SLC44A5: variants seen among roughly 807,000 people sequenced by gnomAD.
The protein encoded by SLC44A5 is solute carrier family 44 member 5.
Under a neutral mutation model 101.8 loss-of-function variants are expected in SLC44A5, and 57 were observed. The observed-to-expected ratio is 0.56, with a 90% CI of 0.45 to 0.70. The LOEUF is 0.70. SLC44A5 is among the 30% of genes least tolerant of loss of function. The pLI, the probability that SLC44A5 is intolerant of heterozygous loss-of-function variation, is 0.00. For synonymous variants in SLC44A5, 281 were observed against 290.9 expected (o/e 0.97, Z 0.35); for missense variants, 737 against 853.1 (o/e 0.86, Z 1.70).
the SLC44A5 span, among the ~76,000 whole-genome samples, chr1:75,661,698 C>T: frequency 6.6e-6 from 1 of 151,890 alleles, no homozygotes; most frequent in African/African-American, 2.4e-5. Flanking sequence ...TTTGAATAGC[C>T]ATTTCTCAAA....
chr1:75,269,069 G>A (rs1651241162), intron 6 of SLC44A5, among the ~76,000 whole-genome samples: 1 of 151,914 alleles, frequency 6.6e-6, no homozygotes, highest in South Asian at 2.1e-4. Flanking sequence ...AGAAAATGAG[G>A]CGATTTTTTC....
chr1:75,646,355 G>C, the SLC44A5 span, among the ~76,000 whole-genome samples: 1 of 151,886 alleles, frequency 6.6e-6, no homozygotes, highest in East Asian at 1.9e-4. Context: ...CACATCCTTT[G>C]TAAGTTGTAT....
intron 1 of SLC44A5, among the ~76,000 whole-genome samples, chr1:75,583,645 A>G (rs951311899): frequency 6.6e-6 from 1 of 152,234 alleles, no homozygotes; most frequent in Non-Finnish European, 1.5e-5. Context: ...AATTATGGAG[A>G]GTCACATGTC....
At chr1:75,345,711 A>G (rs1658202736) in intron 3 of SLC44A5, among the ~76,000 whole-genome samples, 1 of 152,192 alleles carries the variant, frequency 6.6e-6, no homozygotes, top group Non-Finnish European at 1.5e-5. Flanking sequence ...ACTTAGCTGT[A>G]ACAAAGAGCT....
At chr1:75,457,000 T>C (rs1666220784) in intron 2 of SLC44A5, among the ~76,000 whole-genome samples, 1 of 152,132 alleles carries the variant, frequency 6.6e-6, no homozygotes, top group East Asian at 1.9e-4. Flanking sequence ...GAAAATAATA[T>C]CGATTCCCCA....
In SLC44A5 at chr1:75,324,856, G is replaced by A. The variant is rs1425566534; in HGVS notation, c.101+14726C>T. ...TGTTTTTACTGAGAAGATAAATATC[G>A]CAAGTCAAATACCAAAGAATAACAA... On this transcript the variant is annotated intron_variant, in intron 4 of 23. Coordinates refer to ENST00000370859, the MANE Select transcript of SLC44A5 (RefSeq NM_001130058.2). Among the ~76,000 whole-genome samples, 3 of 152,064 alleles carry A rather than the reference G, an allele frequency of 2.0e-5. No individual in the cohort carries two copies. In the East Asian group the frequency reaches 5.8e-4, roughly 29 times the overall value.
intron 2 of SLC44A5, among the ~76,000 whole-genome samples, chr1:75,516,760 G>A (rs1221725115): frequency 6.6e-6 from 1 of 152,062 alleles, no homozygotes; most frequent in African/African-American, 2.4e-5. Flanking sequence ...TGTCAAATAA[G>A]CTCTTTGACC....
At chr1:75,511,439 A>G (rs1252881777) in intron 2 of SLC44A5, among the ~76,000 whole-genome samples, 1 of 152,224 alleles carries the variant, frequency 6.6e-6, no homozygotes, top group Admixed American at 6.5e-5. Flanking sequence ...CAGCTACGAT[A>G]AAAGCACATG....
At chr1:75,607,754 T>A (rs887436631) in intron 1 of SLC44A5, among the ~76,000 whole-genome samples, 7 of 151,974 alleles carry the variant, frequency 4.6e-5, no homozygotes, top group Non-Finnish European at 8.8e-5. Context: ...TCTTGCATGC[T>A]GCCATGTAAG....
chr1:75,279,546 T>A (rs533434470), intron 5 of SLC44A5, among the ~76,000 whole-genome samples: 1 of 152,260 alleles, frequency 6.6e-6, no homozygotes, highest in East Asian at 1.9e-4. Context: ...AATATTTGTT[T>A]TTTAAGTTGC....
chr1:75,527,101 C>T (rs917426359), intron 2 of SLC44A5, among the ~76,000 whole-genome samples: 4 of 148,184 alleles, frequency 2.7e-5, no homozygotes, highest in African/African-American at 1.0e-4. Flanking sequence ...CACCACTGCA[C>T]TCCAGCCTCG....
chr1:75,619,962 C>T, the SLC44A5 span, among the ~76,000 whole-genome samples: 5 of 152,208 alleles, frequency 3.3e-5, no homozygotes, highest in South Asian at 6.2e-4. Flanking sequence ...AGGTATTTAT[C>T]GTAATCCTAT....
rs761447380 is a variant in SLC44A5, at chr1:75,222,352, G to A, written c.1085+9C>T. On this transcript the variant is annotated intron_variant, in intron 14 of 23. Coordinates refer to ENST00000370859, the MANE Select transcript of SLC44A5 (RefSeq NM_001130058.2). ...CACTTTAGCTGAGTTTCTACATTAA[G>A]GGCCTTACTTGCTTCCTTCCTTCAG... is the stretch of plus-strand genomic sequence containing the variant. The A allele has an allele frequency of 1.2e-6, 2 of 1,600,460 alleles. No homozygotes were observed. Among genetic ancestry groups the A allele is most frequent in the South Asian group, 1.1e-5 (1 of 90,826 alleles).
chr1:75,565,405 C>A (rs1488728978), intron 1 of SLC44A5, among the ~76,000 whole-genome samples: 1 of 152,192 alleles, frequency 6.6e-6, no homozygotes, highest in Non-Finnish European at 1.5e-5. Flanking sequence ...ACAAAACTGC[C>A]ACTAATGCAC....
the SLC44A5 span, among the ~76,000 whole-genome samples, chr1:75,622,849 T>C: frequency 3.9e-5 from 6 of 152,164 alleles, no homozygotes; most frequent in Non-Finnish European, 7.4e-5. Context: ...TTATAATTTG[T>C]TTATAACTTT....
chr1:75,582,574 T>C lies in SLC44A5; in HGVS notation c.-70+28466A>G, dbSNP rs145734737. ...AGGGTTCAAAGTAGAGATCTCCATCTGCCAATATGAGGACAGAAGGACTGG... is the reference window on the plus strand; with the variant it reads ...AGGGTTCAAAGTAGAGATCTCCATCCGCCAATATGAGGACAGAAGGACTGG... On this transcript the variant is annotated intron_variant, in intron 1 of 23. Transcript: ENST00000370859. The C allele has an allele frequency of 1.1e-3, 450 of 411,866 alleles. 1 individual carries two copies. The highest frequency in any genetic ancestry group is 0.01 in the Middle Eastern group (15 of 1,450). 25.5% of individuals were successfully genotyped at this position (411,866 alleles called of 1,614,324 possible). A position where few individuals can be genotyped will look rare whatever the true frequency, so the allele number is the denominator to read the frequency against.
intron 1 of SLC44A5, among the ~76,000 whole-genome samples, chr1:75,542,653 A>T (rs1169080995): frequency 6.6e-6 from 1 of 152,058 alleles, no homozygotes; most frequent in East Asian, 1.9e-4. Context: ...TAAACTGTTT[A>T]TTCAGGCCCT....
chr1:75,477,417 C>T (rs549474005), intron 2 of SLC44A5, among the ~76,000 whole-genome samples: 26 of 152,290 alleles, frequency 1.7e-4, no homozygotes, highest in East Asian at 3.9e-4. Context: ...ATGACTTTGA[C>T]GAGTTGAGAG....
At chr1:75,509,675 A>G (rs1028315789) in intron 2 of SLC44A5, among the ~76,000 whole-genome samples, 1 of 152,172 alleles carries the variant, frequency 6.6e-6, no homozygotes. Context: ...AAGGAAGTAA[A>G]TGGAATTTTA....
Sources: gnomAD v4.1 joint callset for allele counts (sites outside exome capture counted in the v4.1 genomes callset) on GRCh38, gnomAD v4.1.1 for gene constraint, MANE v1.5 for transcripts, NCBI Gene and HGNC (gene_info 2026-07-23, HGNC 2026-07-21) for gene names.